Variants in COG5 observed in about 807,000 individuals in gnomAD.
COG5 encodes component of oligomeric golgi complex 5.
Under a neutral mutation model 110.4 loss-of-function variants are expected in COG5, and 86 were observed. The ratio of observed to expected loss-of-function variants is 0.78; its 90% CI spans 0.65 to 0.93. The LOEUF (loss-of-function observed/expected upper bound fraction) is 0.93, where lower values mean the gene tolerates loss of function less well. Among genes scored for constraint, COG5 ranks in the 40% least tolerant of loss-of-function variants. The probability of loss-of-function intolerance (pLI) is 0.00; values close to 1 mark genes in which losing one functional copy is unlikely to be tolerated. For synonymous variants in COG5, 360 were observed against 334.6 expected (o/e 1.08, Z -0.83); for missense variants, 1,077 against 987.0 (o/e 1.09, Z -1.22).
At chr7:107,279,904 T>C (rs184793269) in intron 14 of COG5, among the ~76,000 whole-genome samples, 148 of 152,262 alleles carry the variant, frequency 9.7e-4, no homozygotes, top group African/African-American at 3.4e-3. Flanking sequence ...TGCAGATATT[T>C]TGATTTCGTC....
chr7:107,509,314 G>C (rs1191726184), intron 6 of COG5, among the ~76,000 whole-genome samples: 9 of 152,238 alleles, frequency 5.9e-5, no homozygotes, highest in African/African-American at 1.9e-4. Context: ...AAGACGAAAT[G>C]AATGAACTGA....
chr7:107,433,888 T>C (rs1257387243), intron 6 of COG5, among the ~76,000 whole-genome samples: 2 of 152,024 alleles, frequency 1.3e-5, no homozygotes, highest in Non-Finnish European at 2.9e-5. Flanking sequence ...ACCTACAGAA[T>C]GGGAGAAAAT....
chr7:107,242,798 C>T (rs1309459988), intron 17 of COG5, among the ~76,000 whole-genome samples: 2 of 152,138 alleles, frequency 1.3e-5, no homozygotes, highest in Admixed American at 1.3e-4. Context: ...TAGACCCTCC[C>T]CCACTGGGCT....
At chr7:107,470,107 G>T (rs113608618) in intron 6 of COG5, 1 of 152,126 alleles carries the variant, frequency 6.6e-6, no homozygotes. Context: ...AAGCAGTGCC[G>T]TTCCTTTTTA....
intron 6 of COG5, among the ~76,000 whole-genome samples, chr7:107,456,703 T>A (rs757324871): frequency 2.6e-5 from 4 of 152,136 alleles, no homozygotes; most frequent in Non-Finnish European, 4.4e-5. Context: ...AAGTTATAAA[T>A]GTACACAGTG....
At chr7:107,541,515 AAAAAAAAAATATAT>A (rs1306256107) in intron 5 of COG5, among the ~76,000 whole-genome samples, 1 of 100,298 alleles carries the variant, frequency 1.0e-5, no homozygotes, top group Non-Finnish European at 2.2e-5. Flanking sequence ...AAAAAAAAAA[AAAAAAAAAATATAT>A]ATATATATAT....
intron 6 of COG5, among the ~76,000 whole-genome samples, chr7:107,424,280 AAAAT>A (rs1289172163): frequency 1.3e-5 from 2 of 152,070 alleles, no homozygotes; most frequent in Non-Finnish European, 2.9e-5. Flanking sequence ...CTCCAAATAA[AAAAT>A]AAATAAATAA....
Position 107,362,315 on chromosome 7 carries a change from C to T in COG5, c.941G>A (p.Cys314Tyr), listed in dbSNP as rs1813190650. 6.2e-7 allele frequency: 1 copy of T among 1,602,074 alleles called. No individual in the cohort carries two copies. Among genetic ancestry groups the T allele is most frequent in the Non-Finnish European group, 8.6e-7 (1 of 1,169,260 alleles). ...ACTCCTTCAAATATTTACCTGTCCA[C>T]AAACAGCATAAATATGATCCATAAG... is the stretch of plus-strand genomic sequence containing the variant. ...EKLMDHIYAV[C>Y]GQVQHLQKVL... The change falls in exon 9 of 22, where the codon TGT becomes TAT. Residue 314 changes from cysteine to tyrosine, a missense_variant. Transcript: ENST00000297135.
intron 6 of COG5, among the ~76,000 whole-genome samples, chr7:107,426,734 T>C (rs1793667355): frequency 6.6e-6 from 1 of 152,194 alleles, no homozygotes; most frequent in African/African-American, 2.4e-5. Context: ...ATTCTGTCCA[T>C]TGCAGTGTTG....
chr7:107,322,668 C>T (rs567994933), intron 11 of COG5, among the ~76,000 whole-genome samples: 1 of 152,222 alleles, frequency 6.6e-6, no homozygotes, highest in African/African-American at 2.4e-5. Flanking sequence ...TATAGCACTG[C>T]AGTTTCTGTA....
At chr7:107,387,689 G>T (rs1287666738) in intron 7 of COG5, among the ~76,000 whole-genome samples, 1 of 152,178 alleles carries the variant, frequency 6.6e-6, no homozygotes, top group Non-Finnish European at 1.5e-5. Context: ...GATAAACATG[G>T]AAAAGCAGCA....
chr7:107,342,922 G>A (rs1811290968), intron 10 of COG5, among the ~76,000 whole-genome samples: 1 of 152,038 alleles, frequency 6.6e-6, no homozygotes, highest in Admixed American at 6.5e-5. Context: ...GCACTTGTAT[G>A]TTCATCATAG....
intron 8 of COG5, among the ~76,000 whole-genome samples, chr7:107,366,834 T>C (rs1813668282): frequency 6.6e-6 from 1 of 152,124 alleles, no homozygotes; most frequent in Non-Finnish European, 1.5e-5. Flanking sequence ...TGAATCTGAA[T>C]AAGAAACTGA....
chr7:107,509,253 G>A (rs868309130), intron 6 of COG5, among the ~76,000 whole-genome samples: 6 of 152,192 alleles, frequency 3.9e-5, no homozygotes, highest in Non-Finnish European at 5.9e-5. Context: ...GAAGAATGCA[G>A]AAGCCTCGGG....
intron 1 of COG5, among the ~76,000 whole-genome samples, chr7:107,562,044 G>T (rs992780905): frequency 6.6e-6 from 1 of 152,182 alleles, no homozygotes; most frequent in Admixed American, 6.5e-5. Context: ...AAAAGGCAAG[G>T]GAAAAAAGGT....
chr7:107,477,842 G>T (rs541758185), intron 6 of COG5, among the ~76,000 whole-genome samples: 1 of 151,774 alleles, frequency 6.6e-6, no homozygotes, highest in Non-Finnish European at 1.5e-5. Flanking sequence ...ATGAAAAGAC[G>T]AAATATTTCT....
At chr7:107,482,929 A>G (rs566602179) in intron 6 of COG5, among the ~76,000 whole-genome samples, 1 of 152,326 alleles carries the variant, frequency 6.6e-6, no homozygotes, top group East Asian at 1.9e-4. Context: ...ATTTCACTAT[A>G]AAACTTCCGC....
rs11392797 is a variant in COG5, at chr7:107,483,890, A to ATT, written c.538+43345_538+43346dup. Among the ~76,000 whole-genome samples the ATT allele has an allele frequency of 2.7e-3, 395 of 147,778 alleles. 1 individual carries two copies. The highest frequency in any genetic ancestry group is 7.0e-3 in the African/African-American group (282 of 40,472). On this transcript the variant is annotated intron_variant, in intron 6 of 21. Transcript: ENST00000297135. Reference sequence around the variant, plus strand: ...CAAAATGTCACGGGTATGGTTATACATTTTTTTTTTTCCTAGAACAAAGAT... The same window carrying ATT: ...CAAAATGTCACGGGTATGGTTATACATTTTTTTTTTTTTCCTAGAACAAAGAT...
intron 21 of COG5, chr7:107,208,659 G>T (rs943721534): frequency 1.0e-6 from 1 of 985,328 alleles, no homozygotes; most frequent in African/African-American, 1.7e-5. Context: ...AACATTCACC[G>T]GGGCTGGTAA....
Sources: gnomAD v4.1 joint callset for allele counts (sites outside exome capture counted in the v4.1 genomes callset) on GRCh38, gnomAD v4.1.1 for gene constraint, MANE v1.5 for transcripts, NCBI Gene and HGNC (gene_info 2026-07-23, HGNC 2026-07-21) for gene names.